SIPA1L1: variants seen among roughly 807,000 people sequenced by gnomAD.
SIPA1L1 encodes signal-induced proliferation-associated 1-like protein 1.
In SIPA1L1, 26 loss-of-function variants were observed where a neutral mutation model predicts 162.7. The ratio of observed to expected loss-of-function variants is 0.16; its 90% confidence interval spans 0.12 to 0.22. SIPA1L1 has a LOEUF of 0.22. Among genes scored for constraint, SIPA1L1 ranks in the 10% least tolerant of loss-of-function variants. SIPA1L1 has a pLI of 1.00. For missense variants in SIPA1L1, 1,874 were observed against 2,241.0 expected (o/e 0.84, Z 3.31); for synonymous variants, 829 against 837.4 (o/e 0.99, Z 0.17).
chr14:71,449,737 G>T (rs2045675974), intron 2 of SIPA1L1, among the ~76,000 whole-genome samples: 1 of 152,194 alleles, frequency 6.6e-6, no homozygotes, highest in African/African-American at 2.4e-5. Flanking sequence ...GACTGTCTCA[G>T]TTAAGCATGA....
intron 2 of SIPA1L1, among the ~76,000 whole-genome samples, chr14:71,380,536 G>A (rs1375231815): frequency 6.6e-6 from 1 of 152,184 alleles, no homozygotes; most frequent in African/African-American, 2.4e-5. Flanking sequence ...GATGTTATCT[G>A]CCTTTGGCCT....
At chr14:71,464,099 C>G (rs2141979315) in intron 2 of SIPA1L1, among the ~76,000 whole-genome samples, 1 of 152,318 alleles carries the variant, frequency 6.6e-6, no homozygotes, top group Non-Finnish European at 1.5e-5. Flanking sequence ...CCTCAGCAAT[C>G]TGTTTCACAA....
At chr14:71,399,605 T>C (rs1046543403) in intron 2 of SIPA1L1, among the ~76,000 whole-genome samples, 1 of 152,180 alleles carries the variant, frequency 6.6e-6, no homozygotes, top group African/African-American at 2.4e-5. Context: ...GATAGGGCCT[T>C]GCTATGTTGC....
At chr14:71,440,496 C>T (rs1298037839) in intron 2 of SIPA1L1, among the ~76,000 whole-genome samples, 1 of 151,224 alleles carries the variant, frequency 6.6e-6, no homozygotes, top group Admixed American at 6.6e-5. Flanking sequence ...ACAAAAAATA[C>T]AAAAACTAAC....
chr14:71,696,085 G>C (rs1363436384), intron 13 of SIPA1L1, among the ~76,000 whole-genome samples: 1 of 152,228 alleles, frequency 6.6e-6, no homozygotes, highest in East Asian at 1.9e-4. Context: ...ACCTGAAGTA[G>C]AAATGAGCTA....
chr14:71,341,577 T>C (rs998234449), intron 2 of SIPA1L1, among the ~76,000 whole-genome samples: 1 of 152,168 alleles, frequency 6.6e-6, no homozygotes, highest in African/African-American at 2.4e-5. Flanking sequence ...ATGCTGAGGT[T>C]TGGGCTTCTA....
rs114395655 is a variant in SIPA1L1 at position 71,480,901 on chromosome 14, T to C, written c.-464-31842T>C. On this transcript the variant is annotated intron_variant, in intron 2 of 23. Coordinates refer to ENST00000381232, the MANE Select transcript of SIPA1L1 (RefSeq NM_001386936.1). ...TGTGCTAGGATCACAGTGGACTCTT[T>C]TCTTGCTTTTCCTTTCTACTAAAAA... Among the ~76,000 whole-genome samples the C allele has an allele frequency of 5.4e-3, 830 of 152,346 alleles. 6 individuals carry two copies. Among genetic ancestry groups the C allele is most frequent in the African/African-American group, 0.019 (780 of 41,580 alleles).
intron 2 of SIPA1L1, among the ~76,000 whole-genome samples, chr14:71,354,625 C>T (rs1192327057): frequency 1.3e-5 from 2 of 151,600 alleles, no homozygotes; most frequent in Non-Finnish European, 1.5e-5. Context: ...GTGCCAGGTG[C>T]AATCAGAGGA....
intron 2 of SIPA1L1, among the ~76,000 whole-genome samples, chr14:71,366,695 C>G (rs1405402336): frequency 1.3e-5 from 2 of 152,120 alleles, no homozygotes; most frequent in African/African-American, 4.8e-5. Context: ...CTCGGCCTCC[C>G]AAAGTGCTGG....
intron 2 of SIPA1L1, among the ~76,000 whole-genome samples, chr14:71,342,676 A>G (rs1297532453): frequency 2.6e-5 from 4 of 152,178 alleles, no homozygotes; most frequent in African/African-American, 9.7e-5. Flanking sequence ...GAACTTTTCT[A>G]TTGAGTTTTG....
At chr14:71,640,913 C>G (rs2041645052) in intron 7 of SIPA1L1, among the ~76,000 whole-genome samples, 1 of 152,176 alleles carries the variant, frequency 6.6e-6, no homozygotes, top group African/African-American at 2.4e-5. Context: ...GCATGAGCCA[C>G]CACACCCAGC....
intron 2 of SIPA1L1, among the ~76,000 whole-genome samples, chr14:71,361,383 G>A (rs2037798936): frequency 6.6e-6 from 1 of 152,144 alleles, no homozygotes; most frequent in Admixed American, 6.5e-5. Flanking sequence ...ATTTGTTCAT[G>A]ATATGCTTAG....
At chr14:71,605,222 A>C (rs943327221) in intron 5 of SIPA1L1, among the ~76,000 whole-genome samples, 2 of 151,694 alleles carry the variant, frequency 1.3e-5, no homozygotes, top group Non-Finnish European at 2.9e-5. Flanking sequence ...CTCACTTCTA[A>C]TATTTCTGTT....
chr14:71,477,717 T>C (rs2047996136), intron 2 of SIPA1L1, among the ~76,000 whole-genome samples: 1 of 152,188 alleles, frequency 6.6e-6, no homozygotes, highest in Admixed American at 6.5e-5. Flanking sequence ...TAGATCCCTT[T>C]ATATGAAGGT....
intron 2 of SIPA1L1, among the ~76,000 whole-genome samples, chr14:71,434,035 A>G (rs2044196841): frequency 6.6e-6 from 1 of 152,230 alleles, no homozygotes; most frequent in Non-Finnish European, 1.5e-5. Flanking sequence ...TGTGATTGTG[A>G]CTAATGATCA....
intron 2 of SIPA1L1, among the ~76,000 whole-genome samples, chr14:71,488,192 G>A (rs2048928941): frequency 6.6e-6 from 1 of 152,134 alleles, no homozygotes; most frequent in South Asian, 2.1e-4. Flanking sequence ...ATGAGAGAAG[G>A]CAGACCTTGT....
At chr14:71,636,040 CAG>C (rs1237279376) in intron 7 of SIPA1L1, among the ~76,000 whole-genome samples, 2 of 151,804 alleles carry the variant, frequency 1.3e-5, no homozygotes, top group East Asian at 3.9e-4. Flanking sequence ...GTGCATCAAA[CAG>C]AGCTGTAAAT....
intron 7 of SIPA1L1, among the ~76,000 whole-genome samples, chr14:71,628,412 A>G (rs2040249160): frequency 6.6e-6 from 1 of 152,226 alleles, no homozygotes; most frequent in South Asian, 2.1e-4. Flanking sequence ...TGATAATAAG[A>G]TAATAACTTG....
chr14:71,655,535 G>A (rs1458376298), intron 8 of SIPA1L1, among the ~76,000 whole-genome samples: 1 of 152,142 alleles, frequency 6.6e-6, no homozygotes, highest in Non-Finnish European at 1.5e-5. Context: ...AGTTCTTTGA[G>A]AAATCTCCAT....
Sources: gnomAD v4.1 joint callset for allele counts (sites outside exome capture counted in the v4.1 genomes callset) on GRCh38, gnomAD v4.1.1 for gene constraint, MANE v1.5 for transcripts, NCBI Gene and HGNC (gene_info 2026-07-23, HGNC 2026-07-21) for gene names.